ACSS1: variants seen among roughly 807,000 people sequenced by gnomAD.
ACSS1 encodes the protein acetyl-coenzyme A synthetase 2-like, mitochondrial.
A neutral mutation model predicts 75.3 loss-of-function variants in ACSS1; 42 were observed. The ratio of observed to expected loss-of-function variants is 0.56; its 90% CI spans 0.44 to 0.72. The LOEUF is 0.72. ACSS1 is among the 30% of genes least tolerant of loss of function. The probability of loss-of-function intolerance (pLI) is 0.00; values close to 1 mark genes in which losing one functional copy is unlikely to be tolerated. For synonymous variants in ACSS1, 380 were observed against 376.8 expected, an observed-to-expected ratio of 1.01 and a Z score of -0.10; for missense variants, 782 against 935.7, an observed-to-expected ratio of 0.84 and a Z score of 2.14.
At chr20:25,047,597 C>A (rs1490880105) in intron 2 of ACSS1, among the ~76,000 whole-genome samples, 1 of 152,130 alleles carries the variant, frequency 6.6e-6, no homozygotes, top group African/African-American at 2.4e-5. Context: ...CTTAGGAACT[C>A]ACAGTTTAGG....
chr20:25,057,147 G>C (rs764146831), intron 1 of ACSS1, among the ~76,000 whole-genome samples: 25 of 152,128 alleles, frequency 1.6e-4, no homozygotes, highest in Non-Finnish European at 2.5e-4. Context: ...GAACGAGAAC[G>C]GGGAGGCCGC....
intron 7 of ACSS1, among the ~76,000 whole-genome samples, chr20:25,015,456 C>T (rs1305121990): frequency 9.9e-5 from 15 of 152,104 alleles, no homozygotes; most frequent in East Asian, 3.8e-4. Context: ...CCACCACACC[C>T]GGCTAATTTT....
At chr20:25,021,243 G>T in intron 6 of ACSS1, 146 bp downstream of exon 6, 1 of 1,081,482 alleles carries the variant, frequency 9.2e-7, no homozygotes, top group Non-Finnish European at 1.3e-6. Flanking sequence ...TGGCCCCACC[G>T]GGCATTTCGA....
intron 2 of ACSS1, among the ~76,000 whole-genome samples, chr20:25,038,183 C>G (rs147228992): frequency 1.2e-3 from 186 of 152,296 alleles, no homozygotes; most frequent in Non-Finnish European, 2.1e-3. Context: ...GTTCTAAATT[C>G]CTTATGGAAA....
intron 2 of ACSS1, among the ~76,000 whole-genome samples, chr20:25,039,149 C>A (rs933501743): frequency 6.6e-6 from 1 of 152,192 alleles, no homozygotes; most frequent in African/African-American, 2.4e-5. Flanking sequence ...TCACAACAGC[C>A]CATAGGTTCT....
In ACSS1 at chr20:25,020,073, G is replaced by A; in HGVS notation, c.1183C>T (p.Leu395=). 6.2e-7 allele frequency: 1 copy of A among 1,614,218 alleles called. No individual in the cohort carries two copies. Among genetic ancestry groups the A allele is most frequent in the Non-Finnish European group, 8.5e-7 (1 of 1,180,042 alleles). ...TTCACCCAGGCATCACCGTATTTCA[G>A]CAACAGCCGGACAGCCGTTGGGGCG... ...YGAPTAVRLL[L]KYGDAWVKKY... The change falls in exon 7 of 14, where the codon CTG becomes TTG. Residue 395 remains leucine, a synonymous_variant. Coordinates refer to ENST00000323482, the MANE Select transcript of ACSS1 (RefSeq NM_032501.4).
chr20:25,007,457 G>A lies in ACSS1; in HGVS notation c.*305C>T, dbSNP rs951112072. On this transcript the variant is annotated 3_prime_UTR_variant, in exon 14 of 14. Coordinates refer to ENST00000323482, the MANE Select transcript of ACSS1 (RefSeq NM_032501.4). ...CGCTATCCCAGGGCCTCACCTTCCT[G>A]TGCTGGCTCAAGAGGGCAGAGGAAT... 1 of 1,213,304 alleles carries A rather than the reference G, an allele frequency of 8.2e-7. No homozygotes were observed. The highest frequency in any genetic ancestry group is 1.5e-5 in the African/African-American group (1 of 64,746). 75.2% of individuals were successfully genotyped at this position (1,213,304 alleles called of 1,614,324 possible).
chr20:25,021,547 A>C lies in ACSS1; in HGVS notation c.961-11T>G, dbSNP rs757558983. 1.2e-6 allele frequency: 2 copies of C among 1,612,660 alleles called. No individual in the cohort carries two copies. The highest frequency in any genetic ancestry group is 1.7e-6 in the Non-Finnish European group (2 of 1,179,234). Reference sequence around the variant, plus strand: ...GTGGTCAAACACAAGCTGCAGAGACAGGAAAGGAGCATCAGGAGCTTGTCC... The same window carrying C: ...GTGGTCAAACACAAGCTGCAGAGACCGGAAAGGAGCATCAGGAGCTTGTCC... On this transcript the variant is annotated splice_polypyrimidine_tract_variant and intron_variant, in intron 5 of 13. Coordinates refer to ENST00000323482, the MANE Select transcript of ACSS1 (RefSeq NM_032501.4).
At chr20:25,056,317 C>T (rs1260531672) in intron 1 of ACSS1, among the ~76,000 whole-genome samples, 2 of 152,162 alleles carry the variant, frequency 1.3e-5, no homozygotes, top group Non-Finnish European at 2.9e-5. Flanking sequence ...CACATTGCCC[C>T]AACTCTGCAA....
At chr20:25,014,780 A>G (rs1173670754) in intron 8 of ACSS1, among the ~76,000 whole-genome samples, 2 of 152,204 alleles carry the variant, frequency 1.3e-5, no homozygotes, top group African/African-American at 4.8e-5. Flanking sequence ...CCCTGTTCAG[A>G]AAGGGGCACT....
intron 1 of ACSS1, among the ~76,000 whole-genome samples, chr20:25,056,963 G>T (rs775226871): frequency 6.6e-6 from 1 of 152,176 alleles, no homozygotes; most frequent in Non-Finnish European, 1.5e-5. Flanking sequence ...AGCGCCTTAG[G>T]TGGGGGCGAG....
At chr20:25,015,884 T>C (rs2088507489) in intron 7 of ACSS1, among the ~76,000 whole-genome samples, 1 of 152,160 alleles carries the variant, frequency 6.6e-6, no homozygotes, top group African/African-American at 2.4e-5. Flanking sequence ...CCAATACAAC[T>C]ACTCTGAGCA....
At chr20:25,015,342 ACT>A in intron 7 of ACSS1, 112 bp from the exon 8 acceptor site, 1 of 855,186 alleles carries the variant, frequency 1.2e-6, no homozygotes, top group Non-Finnish European at 1.8e-6. Flanking sequence ...ACTGAGTCTC[ACT>A]CTGTCTCCCA....
At position 25,009,260 on chromosome 20, in the gene ACSS1, G is replaced by T. The variant is rs781118192; in HGVS notation, c.1890+10C>A. 1.1e-5 allele frequency: 18 copies of T among 1,593,262 alleles called. No individual in the cohort carries two copies. The highest frequency in any genetic ancestry group is 1.5e-5 in the Non-Finnish European group (17 of 1,161,174). ...CAGCACAGCCCCATCTTTGTGGGAG[G>T]CCCACTCACCAGGATCTCATCAGGC... On this transcript the variant is annotated intron_variant, in intron 13 of 13. Transcript: ENST00000323482.
In ACSS1 at chr20:25,007,050, A is replaced by G; in HGVS notation, c.*712T>C. ...GGCCACATTCACCCCACCGCTTAGG[A>G]GTTAGCTCCATTATACACAACCAAG... On this transcript the variant is annotated 3_prime_UTR_variant, in exon 14 of 14. Coordinates refer to ENST00000323482, the MANE Select transcript of ACSS1 (RefSeq NM_032501.4). The G allele has an allele frequency of 1.3e-6, 2 of 1,488,350 alleles. No individual in the cohort carries two copies. The highest frequency in any genetic ancestry group is 1.8e-6 in the Non-Finnish European group (2 of 1,123,430). The allele number at this position is 1,488,350 out of a possible 1,614,324, so 92.2% of individuals were successfully genotyped here.
At chr20:25,015,625 G>C (rs1255340070) in intron 7 of ACSS1, among the ~76,000 whole-genome samples, 1 of 152,162 alleles carries the variant, frequency 6.6e-6, no homozygotes, top group Non-Finnish European at 1.5e-5. Flanking sequence ...GGAGAAAACA[G>C]CTCCGTGATT....
chr20:25,027,923 A>C (rs868479024), intron 3 of ACSS1, among the ~76,000 whole-genome samples: 2 of 152,278 alleles, frequency 1.3e-5, no homozygotes, highest in South Asian at 4.1e-4. Flanking sequence ...AAATCATTAA[A>C]TTTGCAATAT....
At chr20:25,041,257 CAAA>C (rs11474894) in intron 2 of ACSS1, among the ~76,000 whole-genome samples, 16,739 of 117,624 alleles carry the variant, frequency 0.14, 959 homozygotes, top group Middle Eastern at 0.18. Flanking sequence ...GACTCCGTCT[CAAA>C]AAAAAAAAAA....
intron 2 of ACSS1, among the ~76,000 whole-genome samples, chr20:25,035,938 G>A (rs769606881): frequency 6.6e-6 from 1 of 152,186 alleles, no homozygotes; most frequent in African/African-American, 2.4e-5. Flanking sequence ...TACTGTTTCT[G>A]TATCAGAAAG....
Sources: allele counts gnomAD v4.1 joint callset (sites outside exome capture counted in the v4.1 genomes callset), GRCh38; gene constraint gnomAD v4.1.1; transcripts MANE v1.5; gene names NCBI Gene and HGNC (gene_info 2026-07-23, HGNC 2026-07-21).